The following DENND2B variants were observed in gnomAD, a reference collection of about 807,000 sequenced individuals.
The protein encoded by DENND2B is DENN domain-containing protein 2B.
Under a neutral mutation model 116.0 loss-of-function variants are expected in DENND2B, and 32 were observed. The observed-to-expected ratio is 0.28, with a 90% CI of 0.21 to 0.37. The LOEUF is 0.37. DENND2B is among the 10% of genes least tolerant of loss of function. The pLI is 1.00. For missense variants in DENND2B, 1,276 were observed against 1,477.7 expected (o/e 0.86, Z 2.24); for synonymous variants, 588 against 583.9 (o/e 1.01, Z -0.10).
intron 4 of DENND2B, among the ~76,000 whole-genome samples, chr11:8,816,720 A>AG (rs763230711): frequency 7.9e-4 from 121 of 152,338 alleles, no homozygotes; most frequent in Non-Finnish European, 1.5e-3. Context: ...ATTCAAGAGT[A>AG]GACAGCTAGC....
rs142688671 is a variant in DENND2B at position 8,730,243 on chromosome 11, G to A, written c.1047C>T (p.Gly349=). The A allele has an allele frequency of 3.7e-6, 6 of 1,607,708 alleles. No individual in the cohort carries two copies. In the African/African-American group the frequency reaches 5.3e-5, roughly 14 times the overall value. ...CACTGCCTTCCCTCTCTGGGGGTGG[G>A]CCCGCCTCCCCCGCAACACCAGCCA... is the stretch of plus-strand genomic sequence containing the variant. ...VGVAGVAGEA[G]PPPEREGSGS... is the part of the protein sequence containing the mutation. The change falls in exon 3 of 20, where the codon GGC becomes GGT. Residue 349 remains glycine (G), a synonymous_variant. Coordinates refer to ENST00000313726, the MANE Select transcript of DENND2B (RefSeq NM_213618.2). This position sits in a 1 kb window ranked among gnomAD's most constrained non-coding sequence, Gnocchi z 4.1.
chr11:8,752,772 A>G (rs2134060729), intron 1 of DENND2B, among the ~76,000 whole-genome samples: 1 of 152,332 alleles, frequency 6.6e-6, no homozygotes, highest in East Asian at 1.9e-4. Context: ...TAAAAGGAAT[A>G]TGAAGATTAA....
At chr11:8,708,750 G>A (rs1283902833) in intron 11 of DENND2B, among the ~76,000 whole-genome samples, 1 of 152,108 alleles carries the variant, frequency 6.6e-6, no homozygotes, top group Non-Finnish European at 1.5e-5. Flanking sequence ...TTGGGAGTTC[G>A]AGACCAGCCT....
intron 11 of DENND2B, among the ~76,000 whole-genome samples, chr11:8,710,592 C>T (rs1047718025): frequency 7.2e-5 from 11 of 152,118 alleles, no homozygotes; most frequent in Admixed American, 2.0e-4. Flanking sequence ...CCTCCCCTTA[C>T]TCCAGATAAC....
chr11:8,809,719 A>T (rs1009346635), intron 1 of DENND2B: 2 of 152,148 alleles, frequency 1.3e-5, no homozygotes, highest in African/African-American at 4.8e-5. Flanking sequence ...ATTTGGTCAA[A>T]ATGTAACCAA....
intron 2 of DENND2B, among the ~76,000 whole-genome samples, chr11:8,864,628 A>G (rs916029790): frequency 6.6e-6 from 1 of 152,176 alleles, no homozygotes; most frequent in Admixed American, 6.5e-5. Context: ...AACATTAAGC[A>G]TATTCACTGA....
intron 6 of DENND2B, 92 bp from the exon 7 acceptor site, chr11:8,714,798 T>C (rs1166077617): frequency 9.1e-7 from 1 of 1,097,302 alleles, no homozygotes; most frequent in East Asian, 2.4e-5. Context: ...CTGCCCTTAA[T>C]GGTACAAGCT....
intron 3 of DENND2B, among the ~76,000 whole-genome samples, chr11:8,844,119 G>A (rs2062720895): frequency 6.6e-6 from 1 of 152,048 alleles, no homozygotes; most frequent in Non-Finnish European, 1.5e-5. Context: ...ATATTTACAG[G>A]CCTGGCACAG....
intron 1 of DENND2B, among the ~76,000 whole-genome samples, chr11:8,762,753 G>A (rs2054914692): frequency 6.6e-6 from 1 of 152,248 alleles, no homozygotes; most frequent in Admixed American, 6.5e-5. Context: ...CTAACTACTC[G>A]GGAGGCTGAG....
chr11:8,864,355 C>A (rs2134688152), intron 2 of DENND2B, among the ~76,000 whole-genome samples: 1 of 152,278 alleles, frequency 6.6e-6, no homozygotes, highest in African/African-American at 2.4e-5. Context: ...ACAGCCTTGA[C>A]CTCCCAGGAT....
intron 2 of DENND2B, among the ~76,000 whole-genome samples, chr11:8,742,724 T>G (rs547945156): frequency 6.6e-6 from 1 of 152,358 alleles, no homozygotes; most frequent in African/African-American, 2.4e-5. Context: ...GGTTTTCACT[T>G]CCAGTACCTC....
intron 2 of DENND2B, among the ~76,000 whole-genome samples, chr11:8,744,627 G>A (rs1449839427): frequency 6.6e-6 from 1 of 152,166 alleles, no homozygotes; most frequent in East Asian, 1.9e-4. Flanking sequence ...AAAGCCCAGA[G>A]GGTGCAGCTA....
At chr11:8,718,675 G>A in intron 4 of DENND2B, 1 of 1,228,992 alleles carries the variant, frequency 8.1e-7, no homozygotes, top group Non-Finnish European at 1.0e-6. Context: ...AGGAGTCTGG[G>A]CCAAAGGGTG....
chr11:8,717,035 A>AT (rs1392776118), intron 5 of DENND2B, among the ~76,000 whole-genome samples: 2 of 152,212 alleles, frequency 1.3e-5, no homozygotes, highest in African/African-American at 4.8e-5. Context: ...GGCCAATGCT[A>AT]TATAATATCC....
intron 4 of DENND2B, among the ~76,000 whole-genome samples, chr11:8,818,630 A>G (rs1379517069): frequency 6.6e-6 from 1 of 151,940 alleles, no homozygotes; most frequent in Non-Finnish European, 1.5e-5. Flanking sequence ...CTGCCACTCC[A>G]ATGCCAGCCA....
At chr11:8,750,775 G>A (rs2052257238) in intron 1 of DENND2B, 50 bp from the exon 2 acceptor site, 1 of 1,565,742 alleles carries the variant, frequency 6.4e-7, no homozygotes. Flanking sequence ...GCAGCCAAAA[G>A]CACCTTGAAC....
chr11:8,748,218 T>G (rs1440970253), intron 2 of DENND2B, among the ~76,000 whole-genome samples: 2 of 152,242 alleles, frequency 1.3e-5, no homozygotes, highest in African/African-American at 2.4e-5. Context: ...CCTCCTTGGA[T>G]TCATGTGCTG....
At chr11:8,863,094 T>C (rs1293155563) in intron 2 of DENND2B, among the ~76,000 whole-genome samples, 2 of 151,744 alleles carry the variant, frequency 1.3e-5, no homozygotes, top group Non-Finnish European at 2.9e-5. Flanking sequence ...AGTGGGAGGA[T>C]TGCTTGAGCC....
At chr11:8,697,679 G>T in intron 16 of DENND2B, 43 bp from the exon 17 acceptor site, 2 of 1,342,010 alleles carry the variant, frequency 1.5e-6, no homozygotes, top group Non-Finnish European at 2.1e-6. Context: ...AGCTGACACT[G>T]AGCACTTACT....
Sources: allele counts gnomAD v4.1 joint callset (sites outside exome capture counted in the v4.1 genomes callset), GRCh38; gene constraint gnomAD v4.1.1; non-coding constraint Gnocchi (gnomAD v3.1); transcripts MANE v1.5; gene names NCBI Gene and HGNC (gene_info 2026-07-23, HGNC 2026-07-21).